Variants in DAB1 observed in about 807,000 individuals in gnomAD.
DAB1 encodes the protein disabled homolog 1.
A neutral mutation model predicts 64.6 loss-of-function variants in DAB1; 15 were observed. That is an observed-to-expected ratio of 0.23 (90% CI 0.16 to 0.36). The LOEUF (loss-of-function observed/expected upper bound fraction) is 0.36, where lower values mean the gene tolerates loss of function less well. Among genes scored for constraint, DAB1 ranks in the 10% least tolerant of loss-of-function variants. The pLI, the probability that DAB1 is intolerant of heterozygous loss-of-function variation, is 1.00. For missense variants in DAB1, 596 were observed against 706.7 expected, an observed-to-expected ratio of 0.84 and a Z score of 1.78; for synonymous variants, 235 against 251.9, an observed-to-expected ratio of 0.93 and a Z score of 0.64.
At chr1:57,369,357 G>T (rs550278023) in intron 1 of DAB1, among the ~76,000 whole-genome samples, 11 of 152,118 alleles carry the variant, frequency 7.2e-5, no homozygotes, top group African/African-American at 2.4e-4. Context: ...TACATTCAAG[G>T]GATTATCTAA....
chr1:58,284,636 T>C (rs1045644242), intron 4 of DAB1, among the ~76,000 whole-genome samples: 11 of 152,280 alleles, frequency 7.2e-5, no homozygotes, highest in Non-Finnish European at 1.2e-4. Context: ...GTCGTTTCAG[T>C]GAGATGGAGC....
chr1:58,111,270 C>T (rs1019774493), intron 5 of DAB1, among the ~76,000 whole-genome samples: 1 of 152,202 alleles, frequency 6.6e-6, no homozygotes, highest in South Asian at 2.1e-4. Flanking sequence ...CCATATCTGG[C>T]CACAAATCAA....
chr1:57,066,374 A>G (rs575865450), intron 8 of DAB1, among the ~76,000 whole-genome samples: 12 of 152,336 alleles, frequency 7.9e-5, no homozygotes, highest in African/African-American at 2.9e-4. Flanking sequence ...AAGGATCAAA[A>G]TTAAGTGATG....
intron 6 of DAB1, among the ~76,000 whole-genome samples, chr1:57,733,043 C>T (rs1647513688): frequency 6.6e-6 from 1 of 152,080 alleles, no homozygotes; most frequent in Non-Finnish European, 1.5e-5. Context: ...CCAACAAGTT[C>T]TAATCTTGTC....
At chr1:57,052,981 C>T (rs1202832044) in intron 9 of DAB1, among the ~76,000 whole-genome samples, 1 of 152,234 alleles carries the variant, frequency 6.6e-6, no homozygotes, top group African/African-American at 2.4e-5. Context: ...TAACACATAT[C>T]ATCCCTAGGT....
Position 58,403,014 on chromosome 1 carries a change from C to A in DAB1, n.258-59611G>T, listed in dbSNP as rs988571288. Among the ~76,000 whole-genome samples, 26 of 152,310 alleles carry A rather than the reference C, an allele frequency of 1.7e-4. No homozygotes were observed. The Middle Eastern group carries it at 0.01, about 60-fold the overall frequency. On this transcript the variant is annotated intron_variant and non_coding_transcript_variant, in intron 3 of 20. Coordinates refer to the DAB1 transcript ENST00000485760. ...TGGGTCTCCACTGGCAATATCAATA[C>A]CATATGACTCTGCTAAACCAGTCGA...
chr1:58,022,128 C>T (rs1378184624), intron 5 of DAB1, among the ~76,000 whole-genome samples: 1 of 152,146 alleles, frequency 6.6e-6, no homozygotes, highest in Admixed American at 6.6e-5. Context: ...AAGTCTCTAA[C>T]CTCAAAGCAC....
At chr1:58,008,703 C>T (rs1047306187) in intron 5 of DAB1, among the ~76,000 whole-genome samples, 1 of 152,068 alleles carries the variant, frequency 6.6e-6, no homozygotes, top group African/African-American at 2.4e-5. Context: ...AAATTGATTC[C>T]ATCTTCCACC....
chr1:57,700,449 G>C (rs147822605), intron 6 of DAB1, among the ~76,000 whole-genome samples: 2 of 152,170 alleles, frequency 1.3e-5, no homozygotes, highest in African/African-American at 4.8e-5. Context: ...CAGCTACTCT[G>C]TTCCTTTCAT....
At chr1:57,361,581 CT>C (rs573522423) in intron 1 of DAB1, among the ~76,000 whole-genome samples, 16 of 149,806 alleles carry the variant, frequency 1.1e-4, no homozygotes, top group Non-Finnish European at 1.3e-4. Context: ...TGCCATGAGA[CT>C]TTTTTTTTTC....
At chr1:58,120,018 C>T (rs187365292) in intron 5 of DAB1, among the ~76,000 whole-genome samples, 1 of 152,224 alleles carries the variant, frequency 6.6e-6, no homozygotes, top group East Asian at 1.9e-4. Context: ...CCAAATAGTT[C>T]TCTCCATCCT....
At chr1:58,119,409 TG>T (rs147822060) in intron 5 of DAB1, among the ~76,000 whole-genome samples, 7,456 of 152,230 alleles carry the variant, frequency 0.049, 210 homozygotes, top group Admixed American at 0.077. Flanking sequence ...TATTTAATTG[TG>T]GGTGCTGCCC....
At chr1:57,831,351 T>C (rs185880968) in intron 1 of DAB1, among the ~76,000 whole-genome samples, 1 of 152,258 alleles carries the variant, frequency 6.6e-6, no homozygotes, top group African/African-American at 2.4e-5. Flanking sequence ...GCTGTATATC[T>C]GGAGGGTACT....
At chr1:58,517,553 T>A (rs2100442306) in intron 2 of DAB1, among the ~76,000 whole-genome samples, 1 of 152,336 alleles carries the variant, frequency 6.6e-6, no homozygotes, top group Middle Eastern at 3.4e-3. Flanking sequence ...TCAAGTTACA[T>A]CTCTGCTACA....
At chr1:58,396,516 C>G (rs1174619202) in intron 3 of DAB1, among the ~76,000 whole-genome samples, 1 of 151,620 alleles carries the variant, frequency 6.6e-6, no homozygotes, top group Non-Finnish European at 1.5e-5. Context: ...TGGGGGCGGG[C>G]AGTGCATAGA....
intron 1 of DAB1, among the ~76,000 whole-genome samples, chr1:57,303,352 C>G (rs959919551): frequency 6.6e-6 from 1 of 152,190 alleles, no homozygotes; most frequent in Non-Finnish European, 1.5e-5. Flanking sequence ...GCTGCTTGCT[C>G]TGCCTTTCGC....
intron 2 of DAB1, among the ~76,000 whole-genome samples, chr1:57,228,875 A>G (rs1667462190): frequency 6.6e-6 from 1 of 152,216 alleles, no homozygotes; most frequent in South Asian, 2.1e-4. Flanking sequence ...CATTTAATAG[A>G]ATTCTATATA....
chr1:57,680,288 T>C (rs967586365), intron 6 of DAB1, among the ~76,000 whole-genome samples: 11 of 152,218 alleles, frequency 7.2e-5, no homozygotes, highest in African/African-American at 2.7e-4. Context: ...AATGGTGTAT[T>C]AGTTTTCTAC....
intron 4 of DAB1, among the ~76,000 whole-genome samples, chr1:58,150,841 C>T (rs185653344): frequency 5.9e-5 from 9 of 152,190 alleles, no homozygotes; most frequent in African/African-American, 2.2e-4. Flanking sequence ...CTCCCCCCAC[C>T]GTCCCCTCAC....
Sources: allele counts gnomAD v4.1 joint callset (sites outside exome capture counted in the v4.1 genomes callset), GRCh38; gene constraint gnomAD v4.1.1; transcripts MANE v1.5; gene names NCBI Gene and HGNC (gene_info 2026-07-23, HGNC 2026-07-21).